The following GNPDA1 variants were observed in gnomAD, a reference collection of about 807,000 sequenced individuals.
The protein encoded by GNPDA1 is GNPDA 1.
Under a neutral mutation model 28.5 loss-of-function variants are expected in GNPDA1, and 24 were observed. The ratio of observed to expected loss-of-function variants is 0.84; its 90% CI spans 0.61 to 1.19. The LOEUF (loss-of-function observed/expected upper bound fraction) is 1.19, where lower values mean the gene tolerates loss of function less well. GNPDA1 is among the 50% of genes most tolerant of loss of function. GNPDA1 has a pLI of 0.00. For missense variants in GNPDA1, 264 were observed against 367.3 expected, an observed-to-expected ratio of 0.72 and a Z score of 2.30; for synonymous variants, 147 against 139.3, an observed-to-expected ratio of 1.06 and a Z score of -0.39.
chr5:142,003,314 A>C lies in GNPDA1; in HGVS notation c.595-52T>G, dbSNP rs373012038. 1.9e-4 allele frequency: 235 copies of C among 1,215,958 alleles called. No homozygotes were observed. Among genetic ancestry groups the C allele is most frequent in the Non-Finnish European group, 2.7e-4 (223 of 838,854 alleles). The allele number at this position is 1,215,958 out of a possible 1,614,324, so 75.3% of individuals were successfully genotyped here. On this transcript the variant is annotated intron_variant, in intron 5 of 6. Transcript: ENST00000311337. The surrounding 1 kb of genome is among the most constrained non-coding windows in gnomAD (Gnocchi z 4.0). ...TGGAGGGGAGCATTCCAGACACCCTAAACAGTTGTAAGGATGATTGTTTTT... is the reference window on the plus strand; with the variant it reads ...TGGAGGGGAGCATTCCAGACACCCTCAACAGTTGTAAGGATGATTGTTTTT...
At position 142,001,147 on chromosome 5, in the gene GNPDA1, A is replaced by T. The variant is rs758410099; in HGVS notation, c.*882T>A. ...ACACTCAGGAGTTGTGACTAAACTC[A>T]CACTTAAGCTGCCTGCCCAGACCGT... On this transcript the variant is annotated 3_prime_UTR_variant, in exon 7 of 7. Coordinates refer to ENST00000311337, the MANE Select transcript of GNPDA1 (RefSeq NM_005471.5). 11 of 152,358 alleles carry T rather than the reference A, an allele frequency of 7.2e-5. No individual in the cohort carries two copies. The highest frequency in any genetic ancestry group is 1.5e-4 in the Non-Finnish European group (10 of 68,034). The allele number at this position is 152,358 out of a possible 1,614,324, so 9.4% of individuals were successfully genotyped here.
rs73793930 is a variant in GNPDA1, at chr5:142,001,363, C to A, written c.*666G>T. 6.6e-6 allele frequency: 1 copy of A among 152,238 alleles called. No individual in the cohort carries two copies. Among genetic ancestry groups the A allele is most frequent in the African/African-American group, 2.4e-5 (1 of 41,394 alleles). The allele number at this position is 152,238 out of a possible 1,614,324, so 9.4% of individuals were successfully genotyped here. ...GAGTCCCTGAGGGAGAGAAGTTTGA[C>A]GTGGCTGGGCCCCTTGAGGCTCTGG... On this transcript the variant is annotated 3_prime_UTR_variant, in exon 7 of 7. Transcript: ENST00000311337.
intron 2 of GNPDA1, among the ~76,000 whole-genome samples, chr5:142,010,360 T>C (rs745937284): frequency 6.6e-6 from 1 of 152,130 alleles, no homozygotes; most frequent in Non-Finnish European, 1.5e-5. Context: ...GGTTTCACCA[T>C]GTTGGCCAGG....
In GNPDA1 at chr5:142,003,622, TC is replaced by T. The variant is rs1271648534; in HGVS notation, c.595-361del. On this transcript the variant is annotated intron_variant, in intron 5 of 6. Coordinates refer to ENST00000311337, the MANE Select transcript of GNPDA1 (RefSeq NM_005471.5). The surrounding 1 kb of genome is among the most constrained non-coding windows in gnomAD (Gnocchi z 4.0). ...CCTGCTATCCCATCAGCTGGGTGAC[TC>T]TACACAAGCACAGTTTGTGAAAGAG... Among the ~76,000 whole-genome samples, 2 of 152,154 alleles carry T rather than the reference TC, an allele frequency of 1.3e-5. No individual in the cohort carries two copies. The highest frequency in any genetic ancestry group is 4.8e-5 in the African/African-American group (2 of 41,430).
intron 3 of GNPDA1, among the ~76,000 whole-genome samples, chr5:142,007,537 ATATT>A (rs1755837628): frequency 6.6e-6 from 1 of 152,198 alleles, no homozygotes; most frequent in African/African-American, 2.4e-5. Flanking sequence ...AGATACTCTA[ATATT>A]TATTAAGTAT....
At chr5:142,010,721 C>T (rs1755927999) in intron 2 of GNPDA1, among the ~76,000 whole-genome samples, 1 of 151,616 alleles carries the variant, frequency 6.6e-6, no homozygotes, top group East Asian at 2.0e-4. Flanking sequence ...GCCATGTTGC[C>T]CAGGCTAATC....
At chr5:142,011,637 G>A (rs9986308) in intron 2 of GNPDA1, among the ~76,000 whole-genome samples, 4,675 of 152,264 alleles carry the variant, frequency 0.031, 244 homozygotes, top group African/African-American at 0.11. Context: ...AACCCTGGTG[G>A]ACAGGGCTGA....
In GNPDA1 at chr5:142,007,700, T is replaced by C; in HGVS notation, c.226+99A>G. 4.1e-6 allele frequency: 3 copies of C among 726,916 alleles called. No individual in the cohort carries two copies. In the South Asian group the frequency reaches 5.0e-5, roughly 12 times the overall value. 45.0% of individuals were successfully genotyped at this position (726,916 alleles called of 1,614,324 possible). A position where few individuals can be genotyped will look rare whatever the true frequency, so the allele number is the denominator to read the frequency against. ...ATTGATAATTGAGCCTATCATCAAA[T>C]GTCACTGGCTCCCCGATTCCTCTCC... On this transcript the variant is annotated intron_variant, in intron 3 of 6. Transcript: ENST00000311337.
In GNPDA1 at chr5:142,002,089, G is replaced by C. The variant is rs746522008; in HGVS notation, c.810C>G (p.Tyr270Ter). 3.4e-5 allele frequency: 54 copies of C among 1,603,142 alleles called. No individual in the cohort carries two copies. The highest frequency in any genetic ancestry group is 4.4e-5 in the Non-Finnish European group (51 of 1,170,530). Residue 270 changes from tyrosine (Y) to a stop codon, truncating the protein, a stop_gained, in exon 7 of 7, where the codon TAC becomes TAG. Transcript: ENST00000311337. LOFTEE classifies it high-confidence loss of function. ...LVHNKLVDPL[Y>*]SIKEKETEKS... ...TCTCAGTTTCTTTCTCTTTGATACT[G>C]TACAAGGGGTCCACCAACTTGTTAT...
intron 2 of GNPDA1, 95 bp from the exon 3 acceptor site, chr5:142,007,995 A>C (rs1755850796): frequency 1.4e-6 from 1 of 724,578 alleles, no homozygotes. Flanking sequence ...TCACAGGGAG[A>C]ACCTGTCAGA....
At chr5:142,002,285 T>C (rs252119) in intron 6 of GNPDA1, among the ~76,000 whole-genome samples, 156 bp from the exon 7 acceptor site, 134,140 of 152,238 alleles carry the variant, frequency 0.88, 59,335 homozygotes, top group East Asian at 0.98. Context: ...CCTAAGAGTA[T>C]AAAAAGAGTT....
At chr5:142,004,902 C>CTT (rs751566036) in intron 5 of GNPDA1, 30 bp downstream of exon 5, 93 of 1,493,362 alleles carry the variant, frequency 6.2e-5, no homozygotes, top group Admixed American at 2.0e-4. Context: ...AGTCCACCAG[C>CTT]GCAAGCTGGT....
rs771728983 is a variant in GNPDA1, at chr5:142,003,152, G to A, written c.705C>T (p.Thr235=). ...TGGCATCCTCGTCACACACAAACAC[G>A]GTGCGGGGATGCTGCTGGAAGGCAG... ...TVSAFQQHPR[T]VFVCDEDATL... Residue 235 remains threonine, a synonymous_variant, in exon 6 of 7, where the codon ACC becomes ACT. Coordinates refer to ENST00000311337, the MANE Select transcript of GNPDA1 (RefSeq NM_005471.5). This position sits in a 1 kb window ranked among gnomAD's most constrained non-coding sequence, Gnocchi z 4.0. 25 of 1,613,988 alleles carry A rather than the reference G, an allele frequency of 1.5e-5. No homozygotes were observed. The highest frequency in any genetic ancestry group is 3.3e-5 in the South Asian group (3 of 91,088).
chr5:142,002,963 G>C (rs996728862), intron 6 of GNPDA1, 125 bp downstream of exon 6: 32 of 704,974 alleles, frequency 4.5e-5, no homozygotes, highest in Non-Finnish European at 4.7e-6. Context: ...GATGCAGTTG[G>C]GTTTGATATT....
intron 2 of GNPDA1, among the ~76,000 whole-genome samples, chr5:142,009,059 AGT>A (rs10628648): frequency 2.0e-5 from 3 of 151,742 alleles, no homozygotes; most frequent in African/African-American, 7.3e-5. Context: ...AGAAAAAAAA[AGT>A]GTGTGTGTGT....
chr5:142,012,332 G>A (rs1385949250), intron 1 of GNPDA1: 1 of 263,782 alleles, frequency 3.8e-6, no homozygotes, highest in Non-Finnish European at 7.3e-6. Flanking sequence ...TCTCTGAGCC[G>A]TTTCCTCCTA....
intron 2 of GNPDA1, 41 bp downstream of exon 2, chr5:142,011,871 T>A (rs761114723): frequency 1.2e-6 from 2 of 1,612,022 alleles, no homozygotes; most frequent in South Asian, 2.2e-5. Context: ...GCCTACTCTC[T>A]CCACCCTTAT....
At chr5:142,006,399 A>G (rs1755806432) in intron 3 of GNPDA1, 73 bp from the exon 4 acceptor site, 1 of 1,117,490 alleles carries the variant, frequency 8.9e-7, no homozygotes, top group Non-Finnish European at 1.3e-6. Context: ...ATGCCAGGAC[A>G]CCATGCTGAC....
intron 4 of GNPDA1, 44 bp downstream of exon 4, chr5:142,006,100 C>G: frequency 1.3e-6 from 2 of 1,522,922 alleles, no homozygotes; most frequent in Non-Finnish European, 1.8e-6. Context: ...CTCCTTCCCA[C>G]GGGTCTGGCC....
Sources: allele counts gnomAD v4.1 joint callset (sites outside exome capture counted in the v4.1 genomes callset), GRCh38; gene constraint gnomAD v4.1.1; non-coding constraint Gnocchi (gnomAD v3.1); transcripts MANE v1.5; gene names NCBI Gene and HGNC (gene_info 2026-07-23, HGNC 2026-07-21).